Variants in EDNRA observed in about 807,000 individuals in gnomAD.
The protein encoded by EDNRA is endothelin receptor type A, also known as endothelin-1 receptor.
A neutral mutation model predicts 41.4 loss-of-function variants in EDNRA; 11 were observed. The ratio of observed to expected loss-of-function variants is 0.27; its 90% CI spans 0.17 to 0.44. The LOEUF (loss-of-function observed/expected upper bound fraction) is 0.44. EDNRA is among the 20% of genes least tolerant of loss of function. EDNRA has a pLI of 1.00. For synonymous variants in EDNRA, 172 were observed against 183.0 expected (o/e 0.94, Z 0.49); for missense variants, 294 against 531.0 (o/e 0.55, Z 4.39).
chr4:147,484,898 G>T (rs1444012862), intron 1 of EDNRA, among the ~76,000 whole-genome samples: 1 of 152,096 alleles, frequency 6.6e-6, no homozygotes, highest in Admixed American at 6.5e-5. Context: ...TGTGTTAATG[G>T]TGTTAACCAG....
At chr4:147,498,696 C>G (rs1304974484) in intron 2 of EDNRA, among the ~76,000 whole-genome samples, 1 of 152,198 alleles carries the variant, frequency 6.6e-6, no homozygotes, top group Non-Finnish European at 1.5e-5. Flanking sequence ...CCCTGGCTCT[C>G]ATCTACCTCC....
intron 2 of EDNRA, among the ~76,000 whole-genome samples, chr4:147,512,703 C>T (rs780391129): frequency 6.6e-6 from 1 of 152,194 alleles, no homozygotes; most frequent in African/African-American, 2.4e-5. Flanking sequence ...TAAGTCACGC[C>T]AGGGGACAAA....
chr4:147,536,608 G>A (rs183955833), intron 5 of EDNRA, among the ~76,000 whole-genome samples: 256 of 152,286 alleles, frequency 1.7e-3, no homozygotes, highest in Non-Finnish European at 3.1e-3. Context: ...TAGTTAGAAC[G>A]TGGAATAGGA....
At chr4:147,536,105 T>A in intron 5 of EDNRA, 76 bp downstream of exon 5, 1 of 1,491,962 alleles carries the variant, frequency 6.7e-7, no homozygotes, top group Non-Finnish European at 9.2e-7. Context: ...AAATACCATC[T>A]TTAGTAGAAT....
intron 2 of EDNRA, among the ~76,000 whole-genome samples, chr4:147,505,160 C>T (rs532925191): frequency 3.6e-4 from 53 of 147,932 alleles, no homozygotes; most frequent in African/African-American, 1.3e-3. Flanking sequence ...CAAGTCAAAC[C>T]GCAGTGAGAT....
intron 2 of EDNRA, among the ~76,000 whole-genome samples, chr4:147,501,533 C>T (rs1012517344): frequency 1.3e-5 from 2 of 152,180 alleles, no homozygotes; most frequent in Admixed American, 1.3e-4. Flanking sequence ...CCCTCTATAG[C>T]GAATCACCTT....
chr4:147,518,810 G>C (rs1730211039), intron 2 of EDNRA, among the ~76,000 whole-genome samples: 1 of 152,038 alleles, frequency 6.6e-6, no homozygotes, highest in Non-Finnish European at 1.5e-5. Flanking sequence ...AGTGAGTTAA[G>C]TTTAAATTGA....
chr4:147,536,994 G>T lies in EDNRA; in HGVS notation c.900+965G>T, dbSNP rs184773808. ...AGCTCCTAGTAGGTATTAAGCAAAT[G>T]TTAATTTACATTAATTCTAAGAGGA... On this transcript the variant is annotated intron_variant, in intron 5 of 7. Coordinates refer to ENST00000651419, the MANE Select transcript of EDNRA (RefSeq NM_001957.4). Among the ~76,000 whole-genome samples, 3 of 152,310 alleles carry T rather than the reference G, an allele frequency of 2.0e-5. No homozygotes were observed. The East Asian group carries it at 5.8e-4, about 29-fold the overall frequency.
rs750463674 is a variant in EDNRA, at chr4:147,525,124, TC to T, written c.548+5148del. On this transcript the variant is annotated intron_variant, in intron 3 of 7. Transcript: ENST00000651419. ...GAAAGAAAATGAGAGAAACCTTACA[TC>T]CAAGTTCTATAGGATTTCTTTATTA... Among the ~76,000 whole-genome samples, 404 of 152,300 alleles carry T rather than the reference TC, an allele frequency of 2.7e-3. 1 individual carries two copies. The highest frequency in any genetic ancestry group is 3.3e-3 in the Non-Finnish European group (225 of 68,026).
At chr4:147,507,189 A>C (rs1729746721) in intron 2 of EDNRA, among the ~76,000 whole-genome samples, 1 of 150,164 alleles carries the variant, frequency 6.7e-6, no homozygotes, top group Non-Finnish European at 1.5e-5. Flanking sequence ...AAGGAATAAA[A>C]AGCCAAAGTT....
rs144440640 is a variant in EDNRA at position 147,485,967 on chromosome 4, G to A, written c.286G>A (p.Val96Met). 49 of 1,614,136 alleles carry A rather than the reference G, an allele frequency of 3.0e-5. No individual in the cohort carries two copies. The highest frequency in any genetic ancestry group is 3.8e-5 in the Non-Finnish European group (45 of 1,180,050). The change falls in exon 2 of 8, where the codon GTG (valine) becomes ATG (methionine). Residue 96 changes from valine (V) to methionine (M), a missense_variant. By Grantham distance (21) the Val-to-Met change is conservative. Coordinates refer to ENST00000651419, the MANE Select transcript of EDNRA (RefSeq NM_001957.4). The stretch of plus-strand genomic sequence containing the variant: ...TTGTACTATTTTCATCGTGGGAATG[G>A]TGGGGAATGCAACTCTGCTCAGGAT... ...ISCTIFIVGM[V>M]GNATLLRIIY...
chr4:147,539,756 T>C (rs2126487025), intron 5 of EDNRA, 61 bp from the exon 6 acceptor site: 1 of 1,559,656 alleles, frequency 6.4e-7, no homozygotes, highest in Non-Finnish European at 8.7e-7. Context: ...GTACTGTAGT[T>C]CTTGCATCTA....
chr4:147,491,381 C>T (rs1729131640), intron 2 of EDNRA: 1 of 152,296 alleles, frequency 6.6e-6, no homozygotes, highest in South Asian at 2.1e-4. Context: ...TGCTTCTTGA[C>T]ATATCAAATC....
At chr4:147,525,117 C>G (rs933739315) in intron 3 of EDNRA, among the ~76,000 whole-genome samples, 25 of 152,090 alleles carry the variant, frequency 1.6e-4, no homozygotes, top group Non-Finnish European at 1.5e-5. Flanking sequence ...ATGAGAGAAA[C>G]CTTACATCCA....
intron 2 of EDNRA, among the ~76,000 whole-genome samples, chr4:147,509,938 G>A (rs1445063498): frequency 3.9e-5 from 6 of 152,040 alleles, no homozygotes; most frequent in African/African-American, 4.8e-5. Context: ...TCCTGCCCCC[G>A]CTGCCAGGTC....
At chr4:147,481,590 C>T (rs778498367) in intron 1 of EDNRA, among the ~76,000 whole-genome samples, 32 of 152,240 alleles carry the variant, frequency 2.1e-4, no homozygotes, top group Non-Finnish European at 3.8e-4. Context: ...GGGTGCGCTG[C>T]GGACACGTGT....
chr4:147,523,482 T>TG (rs61188661), intron 3 of EDNRA, among the ~76,000 whole-genome samples: 25,018 of 141,362 alleles, frequency 0.18, 3,652 homozygotes, highest in African/African-American at 0.41. Flanking sequence ...TTGTTGTTGT[T>TG]TTTTTGTTTT....
intron 2 of EDNRA, among the ~76,000 whole-genome samples, chr4:147,514,907 A>G (rs756625124): frequency 6.6e-6 from 1 of 152,220 alleles, no homozygotes; most frequent in African/African-American, 2.4e-5. Flanking sequence ...TTGGTGAGCC[A>G]GCAGCATCAG....
chr4:147,541,943 A>T (rs1267707619), intron 7 of EDNRA, among the ~76,000 whole-genome samples: 1 of 152,218 alleles, frequency 6.6e-6, no homozygotes, highest in Non-Finnish European at 1.5e-5. Context: ...TCTTCCTAAA[A>T]AGGCAGTATA....
Sources: allele counts gnomAD v4.1 joint callset (sites outside exome capture counted in the v4.1 genomes callset), GRCh38; gene constraint gnomAD v4.1.1; transcripts MANE v1.5; gene names NCBI Gene and HGNC (gene_info 2026-07-23, HGNC 2026-07-21).